Variants in STAMBPL1 observed in about 807,000 individuals in gnomAD.
STAMBPL1 encodes STAM binding protein like 1, also known as AMSH-like protease.
Under a neutral mutation model 52.9 loss-of-function variants are expected in STAMBPL1, and 44 were observed. The observed-to-expected ratio is 0.83, with a 90% CI of 0.65 to 1.07. The LOEUF (loss-of-function observed/expected upper bound fraction) is 1.07. Ranked by LOEUF, STAMBPL1 falls within the 50% of genes least tolerant of loss-of-function variation. The pLI is 0.00. For missense variants in STAMBPL1, 511 were observed against 520.8 expected, an observed-to-expected ratio of 0.98 and a Z score of 0.18; for synonymous variants, 164 against 177.3, an observed-to-expected ratio of 0.92 and a Z score of 0.60.
chr10:88,908,349 C>T (rs185065044), intron 3 of STAMBPL1, among the ~76,000 whole-genome samples: 2 of 152,212 alleles, frequency 1.3e-5, no homozygotes, highest in East Asian at 3.9e-4. Context: ...TCTTTCCATG[C>T]TCTGATATTT....
intron 1 of STAMBPL1, among the ~76,000 whole-genome samples, chr10:88,898,502 A>T (rs1416728271): frequency 2.0e-4 from 30 of 152,226 alleles, no homozygotes. Context: ...AAGATAAAGG[A>T]ATTAAGACAG....
At chr10:88,901,865 G>T in intron 2 of STAMBPL1, 127 bp downstream of exon 2, 1 of 840,214 alleles carries the variant, frequency 1.2e-6, no homozygotes, top group South Asian at 1.9e-5. Flanking sequence ...TCATCCATCT[G>T]TGTGGTTGTC....
intron 8 of STAMBPL1, among the ~76,000 whole-genome samples, chr10:88,920,426 C>G (rs1187324129): frequency 6.6e-6 from 1 of 152,128 alleles, no homozygotes; most frequent in African/African-American, 2.4e-5. Context: ...AAGAAATCTT[C>G]AGCGTCATAT....
chr10:88,907,327 A>C (rs1289284974), intron 3 of STAMBPL1, among the ~76,000 whole-genome samples: 2 of 152,210 alleles, frequency 1.3e-5, no homozygotes, highest in African/African-American at 4.8e-5. Context: ...GAACTTGAAA[A>C]TTTAGAGAAT....
At chr10:88,889,176 T>C (rs1844616242) in intron 1 of STAMBPL1, among the ~76,000 whole-genome samples, 1 of 152,220 alleles carries the variant, frequency 6.6e-6, no homozygotes, top group South Asian at 2.1e-4. Context: ...TATTCCTCTT[T>C]TGATGGCTAT....
intron 6 of STAMBPL1, 150 bp downstream of exon 6, chr10:88,913,608 A>G (rs1845287441): frequency 3.0e-6 from 2 of 671,192 alleles, no homozygotes; most frequent in Admixed American, 3.2e-5. Flanking sequence ...TAACCTTTCA[A>G]TACTCTCTAG....
chr10:88,914,452 T>C, intron 6 of STAMBPL1, 82 bp from the exon 7 acceptor site: 1 of 1,157,376 alleles, frequency 8.6e-7, no homozygotes, highest in Non-Finnish European at 1.1e-6. Flanking sequence ...TATGTCCAAC[T>C]GCAACTGTTT....
At chr10:88,922,241 T>A in intron 9 of STAMBPL1, 96 bp from the exon 10 acceptor site, 1 of 1,132,998 alleles carries the variant, frequency 8.8e-7, no homozygotes, top group South Asian at 1.3e-5. Flanking sequence ...CTCAATCCCA[T>A]CTGAGGAATA....
At chr10:88,898,679 A>G (rs770453329) in intron 1 of STAMBPL1, among the ~76,000 whole-genome samples, 2 of 152,220 alleles carry the variant, frequency 1.3e-5, no homozygotes, top group Non-Finnish European at 2.9e-5. Context: ...TCTGATGTTT[A>G]AGATATGTTT....
intron 9 of STAMBPL1, among the ~76,000 whole-genome samples, chr10:88,922,125 T>C (rs1845527721): frequency 2.0e-5 from 3 of 152,110 alleles, no homozygotes; most frequent in African/African-American, 7.2e-5. Context: ...CCCTTAACGG[T>C]CCTGCAGGCT....
At position 88,914,703 on chromosome 10, in the gene STAMBPL1, G is replaced by A. The variant is rs2133202482; in HGVS notation, c.903+45G>A. On this transcript the variant is annotated intron_variant, in intron 7 of 10. Transcript: ENST00000371926. ...ATATATATATATATATATCTGCATA[G>A]GATACTTTTAATAGTACTAGATTTC... The A allele has an allele frequency of 3.7e-6, 3 of 817,732 alleles. 1 individual carries two copies. Among genetic ancestry groups the A allele is most frequent in the East Asian group, 4.2e-5 (1 of 23,922 alleles). The allele number at this position is 817,732 out of a possible 1,614,324, so 50.7% of individuals were successfully genotyped here.
chr10:88,915,554 A>G (rs1240501220), intron 7 of STAMBPL1, among the ~76,000 whole-genome samples: 1 of 152,176 alleles, frequency 6.6e-6, no homozygotes, highest in African/African-American at 2.4e-5. Flanking sequence ...TGTTGTATTC[A>G]GATTGGTTGA....
Position 88,923,283 on chromosome 10 carries a change from C to T in STAMBPL1, c.*59C>T, listed in dbSNP as rs147342229. On this transcript the variant is annotated 3_prime_UTR_variant, in exon 11 of 11. Coordinates refer to ENST00000371926, the MANE Select transcript of STAMBPL1 (RefSeq NM_020799.4). ...CACCTACTCATGGACATGTGGTTGC[C>T]GGATTTTCTTAAGATGTTTCCAGAA... 1.0e-2 allele frequency: 15,122 copies of T among 1,512,882 alleles called. 103 individuals are homozygous for T. The highest frequency in any genetic ancestry group is 0.02 in the Middle Eastern group (115 of 5,718). The allele number at this position is 1,512,882 out of a possible 1,614,324, so 93.7% of individuals were successfully genotyped here. A position where few individuals can be genotyped will look rare whatever the true frequency, so the allele number is the denominator to read the frequency against.
Position 88,901,816 on chromosome 10 carries a change from A to C in STAMBPL1, c.30+78A>C, listed in dbSNP as rs1391514633. Reference sequence around the variant, plus strand: ...AACAGAAACATACAAATGTGAAATGAGTCACAATTACTTTAAGAAGTTTAG... The same window carrying C: ...AACAGAAACATACAAATGTGAAATGCGTCACAATTACTTTAAGAAGTTTAG... On this transcript the variant is annotated intron_variant, in intron 2 of 10. Coordinates refer to ENST00000371926, the MANE Select transcript of STAMBPL1 (RefSeq NM_020799.4). 6 of 1,401,896 alleles carry C rather than the reference A, an allele frequency of 4.3e-6. No homozygotes were observed. The African/African-American group carries it at 8.6e-5, about 20-fold the overall frequency. 86.8% of individuals were successfully genotyped at this position (1,401,896 alleles called of 1,614,324 possible).
intron 4 of STAMBPL1, among the ~76,000 whole-genome samples, chr10:88,910,239 C>T (rs1052524935): frequency 6.6e-6 from 1 of 152,040 alleles, no homozygotes; most frequent in Middle Eastern, 3.2e-3. Context: ...CTAAATGGGC[C>T]GCTAGCTGGT....
intron 6 of STAMBPL1, 148 bp from the exon 7 acceptor site, chr10:88,914,386 G>A (rs1032277307): frequency 4.5e-6 from 2 of 448,644 alleles, no homozygotes; most frequent in African/African-American, 4.1e-5. Context: ...TTACTTCTAA[G>A]AGTTTTAAAA....
Position 88,916,829 on chromosome 10 carries a change from C to CT in STAMBPL1, c.1041+16dup. The CT allele has an allele frequency of 6.5e-7, 1 of 1,530,578 alleles. No homozygotes were observed. The highest frequency in any genetic ancestry group is 8.8e-7 in the Non-Finnish European group (1 of 1,136,532). 94.8% of individuals were successfully genotyped at this position (1,530,578 alleles called of 1,614,324 possible). A position where few individuals can be genotyped will look rare whatever the true frequency, so the allele number is the denominator to read the frequency against. ...TAGGATGGATCCATGTACGTTTGAC[C>CT]TTTTGGGTTTCAGTTTTTTTGTGTG... On this transcript the variant is annotated intron_variant, in intron 8 of 10. Coordinates refer to ENST00000371926, the MANE Select transcript of STAMBPL1 (RefSeq NM_020799.4).
chr10:88,915,281 T>C (rs1218437406), intron 7 of STAMBPL1, among the ~76,000 whole-genome samples: 1 of 152,218 alleles, frequency 6.6e-6, no homozygotes, highest in African/African-American at 2.4e-5. Context: ...TGTCCTTTCA[T>C]AGTCTGTTTT....
chr10:88,914,673 TATAA>T lies in STAMBPL1; in HGVS notation c.903+19_903+22del, dbSNP rs777647849. 2 of 1,051,062 alleles carry T rather than the reference TATAA, an allele frequency of 1.9e-6. No individual in the cohort carries two copies. Among genetic ancestry groups the T allele is most frequent in the East Asian group, 7.3e-5 (2 of 27,428 alleles). 65.1% of individuals were successfully genotyped at this position (1,051,062 alleles called of 1,614,324 possible). The stretch of plus-strand genomic sequence containing the variant: ...GTGGAAAACTGGTATGATCTTTTTA[TATAA>T]ATATATATATATATATATCTGCATA... On this transcript the variant is annotated intron_variant, in intron 7 of 10. Transcript: ENST00000371926.
Sources: gnomAD v4.1 joint callset for allele counts (sites outside exome capture counted in the v4.1 genomes callset) on GRCh38, gnomAD v4.1.1 for gene constraint, MANE v1.5 for transcripts, NCBI Gene and HGNC (gene_info 2026-07-23, HGNC 2026-07-21) for gene names.